Variants in RAB30 observed in about 807,000 individuals in gnomAD.
The protein encoded by RAB30 is ras-related protein Rab-30.
Under a neutral mutation model 25.1 loss-of-function variants are expected in RAB30, and 9 were observed. The ratio of observed to expected loss-of-function variants is 0.36; its 90% CI spans 0.22 to 0.63. RAB30 has a LOEUF of 0.63. Among genes scored for constraint, RAB30 ranks in the 20% least tolerant of loss-of-function variants. The pLI is 0.69. For synonymous variants in RAB30, 77 were observed against 86.4 expected (o/e 0.89, Z 0.60); for missense variants, 140 against 243.5 (o/e 0.58, Z 2.83).
At chr11:83,008,182 G>A (rs1565274791) in intron 1 of RAB30, among the ~76,000 whole-genome samples, 1 of 152,270 alleles carries the variant, frequency 6.6e-6, no homozygotes, top group African/African-American at 2.4e-5. Context: ...AGAGGTCAGG[G>A]CCACGGCTCA....
chr11:83,044,813 G>C (rs1338381877), intron 1 of RAB30, among the ~76,000 whole-genome samples: 1 of 152,148 alleles, frequency 6.6e-6, no homozygotes, highest in African/African-American at 2.4e-5. Flanking sequence ...ACCCCAGGAT[G>C]CTTCAGAATA....
chr11:83,014,878 C>T (rs185324594), intron 1 of RAB30, among the ~76,000 whole-genome samples: 3 of 151,512 alleles, frequency 2.0e-5, no homozygotes, highest in East Asian at 1.9e-4. Context: ...AAGGAAGGGG[C>T]GAGTCAAGCA....
At chr11:83,052,843 C>T (rs1858384225) in intron 1 of RAB30, among the ~76,000 whole-genome samples, 1 of 152,190 alleles carries the variant, frequency 6.6e-6, no homozygotes, top group Non-Finnish European at 1.5e-5. Context: ...TCAGCATTCT[C>T]TCAGATGATT....
chr11:83,031,306 A>AT (rs1857851740), intron 1 of RAB30, among the ~76,000 whole-genome samples: 1 of 152,264 alleles, frequency 6.6e-6, no homozygotes, highest in East Asian at 1.9e-4. Context: ...TCACTTTATT[A>AT]TTTTTTTCAT....
At chr11:83,064,935 G>A (rs1484284365) in intron 1 of RAB30, among the ~76,000 whole-genome samples, 1 of 151,722 alleles carries the variant, frequency 6.6e-6, no homozygotes, top group East Asian at 1.9e-4. Context: ...GTTCCATTTG[G>A]TTGTCATATC....
rs1454126570 is a variant in RAB30 at position 82,976,461 on chromosome 11, T to TTA, written c.*5703_*5704insTA. 1.3e-5 allele frequency: 2 copies of TTA among 152,142 alleles called. No homozygotes were observed. The highest frequency in any genetic ancestry group is 3.9e-4 in the East Asian group (2 of 5,190). 9.4% of individuals were successfully genotyped at this position (152,142 alleles called of 1,614,324 possible). A position where few individuals can be genotyped will look rare whatever the true frequency, so the allele number is the denominator to read the frequency against. On this transcript the variant is annotated 3_prime_UTR_variant, in exon 5 of 5. Transcript: ENST00000527633. ...CTCACACCTAAACTAGTGTTTCCCC[T>TTA]TCTATATAACTCCCCACATCACTCT...
At position 82,997,210 on chromosome 11, in the gene RAB30, A is replaced by G. The variant is rs1168730133; in HGVS notation, c.93+14T>C. 1 of 1,591,770 alleles carries G rather than the reference A, an allele frequency of 6.3e-7. No individual in the cohort carries two copies. The highest frequency in any genetic ancestry group is 8.6e-7 in the Non-Finnish European group (1 of 1,159,766). On this transcript the variant is annotated intron_variant, in intron 2 of 4. Transcript: ENST00000527633. ...CAACCCTGGGCTTACGAGTTCCCTT[A>G]CGAGTTCCCTTACCTGAGTGAATCT...
At chr11:83,042,029 CAAA>C (rs61607477) in intron 1 of RAB30, among the ~76,000 whole-genome samples, 10 of 95,130 alleles carry the variant, frequency 1.1e-4, no homozygotes, top group Admixed American at 1.0e-4. Flanking sequence ...GACTCTGTCT[CAAA>C]AAAAAAAAAA....
intron 1 of RAB30, among the ~76,000 whole-genome samples, chr11:83,033,055 C>CCTTTTTT (rs1565284142): frequency 1.3e-5 from 1 of 77,864 alleles, no homozygotes; most frequent in Non-Finnish European, 2.5e-5. Context: ...GCCTCAAATT[C>CCTTTTTT]TTTTTTTTTT....
At chr11:83,069,440 T>C (rs1402108658) in intron 1 of RAB30, among the ~76,000 whole-genome samples, 2 of 152,032 alleles carry the variant, frequency 1.3e-5, no homozygotes, top group Admixed American at 6.6e-5. Context: ...GAGAATAAAA[T>C]AACAAACTTC....
chr11:83,054,109 C>T lies in RAB30; in HGVS notation c.-9+17582G>A, dbSNP rs544653424. On this transcript the variant is annotated intron_variant, in intron 1 of 4. Coordinates refer to ENST00000527633, the MANE Select transcript of RAB30 (RefSeq NM_001286060.2). Reference sequence around the variant, plus strand: ...ACTCTGTAAATAAATAAATAAATAACATGCTTATGACCATAGGGACAACAG... The same window carrying T: ...ACTCTGTAAATAAATAAATAAATAATATGCTTATGACCATAGGGACAACAG... Among the ~76,000 whole-genome samples the T allele has an allele frequency of 4.6e-5, 7 of 151,626 alleles. No homozygotes were observed. The South Asian group carries it at 1.5e-3, about 31-fold the overall frequency.
intron 1 of RAB30, among the ~76,000 whole-genome samples, chr11:83,027,283 A>G (rs768616020): frequency 6.6e-6 from 1 of 152,188 alleles, no homozygotes; most frequent in African/African-American, 2.4e-5. Flanking sequence ...CCCATAAAAA[A>G]AAAGTAAGAG....
chr11:83,030,601 T>C (rs1857833632), intron 1 of RAB30, among the ~76,000 whole-genome samples: 1 of 151,904 alleles, frequency 6.6e-6, no homozygotes, highest in South Asian at 2.1e-4. Context: ...AGTTCGAAAC[T>C]AGCCTGGCCA....
chr11:83,011,781 G>A (rs1857309135), intron 1 of RAB30, among the ~76,000 whole-genome samples: 1 of 152,104 alleles, frequency 6.6e-6, no homozygotes, highest in Admixed American at 6.6e-5. Context: ...TGGTAGCTGG[G>A]CAGCAGCTGC....
chr11:83,016,794 C>G (rs1431712499), intron 1 of RAB30, among the ~76,000 whole-genome samples: 1 of 152,196 alleles, frequency 6.6e-6, no homozygotes, highest in Admixed American at 6.5e-5. Flanking sequence ...CTTGGGAGCA[C>G]CAATGCAAAC....
chr11:83,056,157 C>T (rs1342628871), intron 1 of RAB30, among the ~76,000 whole-genome samples: 1 of 152,228 alleles, frequency 6.6e-6, no homozygotes, highest in Non-Finnish European at 1.5e-5. Context: ...TGAAACTCTA[C>T]ACCCACTAAA....
chr11:83,060,826 C>A (rs1005648179), intron 1 of RAB30, among the ~76,000 whole-genome samples: 2 of 152,114 alleles, frequency 1.3e-5, no homozygotes, highest in South Asian at 2.1e-4. Flanking sequence ...CTCAGTGGAC[C>A]AGGTGTGGAA....
At chr11:83,068,148 G>T (rs533147124) in intron 1 of RAB30, among the ~76,000 whole-genome samples, 1 of 149,188 alleles carries the variant, frequency 6.7e-6, no homozygotes, top group Non-Finnish European at 1.5e-5. Flanking sequence ...AAATACAAAC[G>T]TTAGCTGAGC....
chr11:83,022,214 A>G (rs1590858966), intron 1 of RAB30, among the ~76,000 whole-genome samples: 1 of 152,184 alleles, frequency 6.6e-6, no homozygotes, highest in African/African-American at 2.4e-5. Flanking sequence ...GCTGGAATCC[A>G]GTAGCACGAT....
Sources: allele counts gnomAD v4.1 joint callset (sites outside exome capture counted in the v4.1 genomes callset), GRCh38; gene constraint gnomAD v4.1.1; transcripts MANE v1.5; gene names NCBI Gene and HGNC (gene_info 2026-07-23, HGNC 2026-07-21).